ANKRD26: variants seen among roughly 807,000 people sequenced by gnomAD.
ANKRD26 encodes ankyrin repeat domain-containing protein 26.
In ANKRD26, 141 loss-of-function variants were observed where a neutral mutation model predicts 208.7. That is an observed-to-expected ratio of 0.68 (90% CI 0.59 to 0.78). ANKRD26 has a LOEUF of 0.78. Ranked by LOEUF, ANKRD26 falls within the 30% of genes least tolerant of loss-of-function variation. The probability of loss-of-function intolerance (pLI) is 0.00; values close to 1 mark genes in which losing one functional copy is unlikely to be tolerated. For missense variants in ANKRD26, 1,889 were observed against 1,938.7 expected, an observed-to-expected ratio of 0.97 and a Z score of 0.48; for synonymous variants, 636 against 660.4, an observed-to-expected ratio of 0.96 and a Z score of 0.57.
At chr10:27,046,662 T>C in intron 17 of ANKRD26, 139 bp from the exon 18 acceptor site, 1 of 850,572 alleles carries the variant, frequency 1.2e-6, no homozygotes, top group Non-Finnish European at 1.8e-6. Context: ...TAACAAAGAA[T>C]AAAAATAATT....
At chr10:27,070,635 G>A (rs78316183) in intron 9 of ANKRD26, among the ~76,000 whole-genome samples, 1,720 of 151,928 alleles carry the variant, frequency 0.011, 36 homozygotes, top group African/African-American at 0.04. Flanking sequence ...CATTGCTGGA[G>A]GTACTTTTAA....
At chr10:27,094,656 T>C (rs1589381792) in intron 1 of ANKRD26, among the ~76,000 whole-genome samples, 1 of 152,236 alleles carries the variant, frequency 6.6e-6, no homozygotes, top group African/African-American at 2.4e-5. Context: ...AATAAAGATG[T>C]TTTAATTAAA....
At chr10:26,958,274 C>T in the ANKRD26 span, among the ~76,000 whole-genome samples, 1 of 151,938 alleles carries the variant, frequency 6.6e-6, no homozygotes, top group East Asian at 1.9e-4. Context: ...TTAGTAGAGA[C>T]TGGGTTTCAC....
intron 22 of ANKRD26, 35 bp from the exon 23 acceptor site, chr10:27,037,358 T>C: frequency 6.2e-7 from 1 of 1,611,556 alleles, no homozygotes; most frequent in Non-Finnish European, 8.5e-7. Context: ...CTATTAGCAT[T>C]TTGTAAAAGT....
intron 1 of ANKRD26, among the ~76,000 whole-genome samples, chr10:27,097,857 T>A: frequency 6.6e-6 from 1 of 152,172 alleles, no homozygotes; most frequent in East Asian, 1.9e-4. Flanking sequence ...TTCACTACGT[T>A]GGCCAGGATG....
chr10:27,069,049 C>T (rs985490040), intron 9 of ANKRD26, among the ~76,000 whole-genome samples: 2 of 151,982 alleles, frequency 1.3e-5, no homozygotes, highest in South Asian at 4.2e-4. Context: ...CAAAAATTAG[C>T]TGGGTGTGGT....
intron 20 of ANKRD26, among the ~76,000 whole-genome samples, chr10:27,043,050 T>C (rs1482065227): frequency 6.7e-6 from 1 of 149,998 alleles, no homozygotes; most frequent in Non-Finnish European, 1.5e-5. Context: ...ACTTCTTAAA[T>C]GCGATACAAA....
At chr10:27,051,950 T>C (rs948434525) in intron 16 of ANKRD26, 2 of 985,374 alleles carry the variant, frequency 2.0e-6, no homozygotes, top group South Asian at 9.4e-5. Context: ...ATTTGCCTTG[T>C]TTGGTCCACA....
intron 4 of ANKRD26, among the ~76,000 whole-genome samples, chr10:27,087,681 C>T (rs1171792857): frequency 6.6e-6 from 1 of 152,204 alleles, no homozygotes; most frequent in Admixed American, 6.5e-5. Flanking sequence ...CTGGTTTAGA[C>T]AACGACTTTT....
At position 27,035,170 on chromosome 10, in the gene ANKRD26, A is replaced by C; in HGVS notation, c.3280T>G (p.Leu1094Val). 4 of 1,613,998 alleles carry C rather than the reference A, an allele frequency of 2.5e-6. No homozygotes were observed. The highest frequency in any genetic ancestry group is 3.4e-6 in the Non-Finnish European group (4 of 1,179,918). ...CTTAGGTCCTTTTGTACCCGTTCTAAACCCAAAGTCTTTTCTCTGAGGGCA... is the reference window on the plus strand; with the variant it reads ...CTTAGGTCCTTTTGTACCCGTTCTACACCCAAAGTCTTTTCTCTGAGGGCA... ...RDALREKTLG[L>V]ERVQKDLSQT... Residue 1094 changes from leucine (L) to valine (V), a missense_variant, in exon 24 of 34, where the codon TTA becomes GTA. Physicochemically the swap from Leu to Val is conservative, Grantham distance 32. Around this residue, in one of 3 missense-constraint regions of ANKRD26, gnomAD observed 1,272 missense variants for 1,273.8 expected, o/e 1.00. Transcript: ENST00000376087.
intron 16 of ANKRD26, chr10:27,051,423 C>T (rs1432172855): frequency 9.0e-7 from 1 of 1,106,978 alleles, no homozygotes; most frequent in Admixed American, 4.8e-5. Flanking sequence ...AGGCACACGT[C>T]TGATGTCTAA....
chr10:26,950,444 T>A, the ANKRD26 span, among the ~76,000 whole-genome samples: 16 of 152,302 alleles, frequency 1.1e-4, no homozygotes, highest in East Asian at 1.2e-3. Context: ...ACTAATATAC[T>A]CATGTTGAGG....
intron 32 of ANKRD26, among the ~76,000 whole-genome samples, chr10:27,010,933 GA>G (rs201471012): frequency 0.029 from 4,433 of 152,122 alleles, 79 homozygotes; most frequent in African/African-American, 0.054. Context: ...ACAAAATGAT[GA>G]AAAAAATTAG....
At chr10:27,093,829 T>C (rs1276087364) in intron 1 of ANKRD26, 30 bp from the exon 2 acceptor site, 7 of 1,435,830 alleles carry the variant, frequency 4.9e-6, no homozygotes, top group Non-Finnish European at 6.9e-6. Flanking sequence ...TTTTATAAAC[T>C]GTAGTGCACT....
chr10:27,016,494 G>A (rs1030262906), intron 30 of ANKRD26, among the ~76,000 whole-genome samples: 8 of 151,518 alleles, frequency 5.3e-5, no homozygotes, highest in Admixed American at 4.6e-4. Context: ...GGCCAGGCTG[G>A]TCTGGAACTC....
chr10:27,055,139 A>G (rs1407210720), intron 15 of ANKRD26, among the ~76,000 whole-genome samples: 1 of 152,216 alleles, frequency 6.6e-6, no homozygotes, highest in African/African-American at 2.4e-5. Context: ...AGATGTATAT[A>G]TCTGGGTCCC....
intron 5 of ANKRD26, among the ~76,000 whole-genome samples, chr10:26,976,651 A>G (rs1292562416): frequency 1.3e-5 from 2 of 151,706 alleles, no homozygotes; most frequent in Non-Finnish European, 3.0e-5. Flanking sequence ...GTAGCACTTC[A>G]TATTTTGTAG....
At chr10:27,005,789 C>A in intron 33 of ANKRD26, 66 bp from the exon 34 acceptor site, 1 of 1,541,484 alleles carries the variant, frequency 6.5e-7, no homozygotes, top group Non-Finnish European at 8.7e-7. Flanking sequence ...AAGTGGAAGT[C>A]AGTAAAAGAG....
chr10:27,093,872 A>G lies in ANKRD26; in HGVS notation c.243-73T>C, dbSNP rs2056381172. 3.3e-6 allele frequency: 4 copies of G among 1,198,816 alleles called. No individual in the cohort carries two copies. The South Asian group carries it at 3.7e-5, about 11-fold the overall frequency. The allele number at this position is 1,198,816 out of a possible 1,614,324, so 74.3% of individuals were successfully genotyped here. ...AACATACAATGGTTCATAAAATTAT[A>G]AACATTAAATAGCATGTTGATATGG... On this transcript the variant is annotated intron_variant, in intron 1 of 33. Coordinates refer to ENST00000376087, the MANE Select transcript of ANKRD26 (RefSeq NM_014915.3).
Sources: gnomAD v4.1 joint callset for allele counts (sites outside exome capture counted in the v4.1 genomes callset) on GRCh38, gnomAD v4.1.1 for gene constraint, gnomAD v4.1.1 regional missense constraint, MANE v1.5 for transcripts, NCBI Gene and HGNC (gene_info 2026-07-23, HGNC 2026-07-21) for gene names.